SNX7: variants seen among roughly 807,000 people sequenced by gnomAD.
SNX7 encodes the protein sorting nexin-7.
A neutral mutation model predicts 48.4 loss-of-function variants in SNX7; 35 were observed. The ratio of observed to expected loss-of-function variants is 0.72; its 90% confidence interval spans 0.55 to 0.96. The LOEUF (loss-of-function observed/expected upper bound fraction) is 0.96. SNX7 is among the 40% of genes least tolerant of loss of function. The pLI is 0.00. For synonymous variants in SNX7, 190 were observed against 190.2 expected (o/e 1.00, Z 0.01); for missense variants, 553 against 548.9 (o/e 1.01, Z -0.07).
intron 7 of SNX7, among the ~76,000 whole-genome samples, chr1:98,736,542 C>T (rs1653789516): frequency 6.6e-6 from 1 of 152,020 alleles, no homozygotes; most frequent in Non-Finnish European, 1.5e-5. Context: ...AGCAAAATAC[C>T]CAGAAGACTA....
intron 7 of SNX7, among the ~76,000 whole-genome samples, chr1:98,709,700 G>A (rs1013701266): frequency 6.6e-6 from 1 of 152,032 alleles, no homozygotes; most frequent in African/African-American, 2.4e-5. Flanking sequence ...CACATCTTGG[G>A]TTTTATATCT....
intron 7 of SNX7, among the ~76,000 whole-genome samples, chr1:98,717,725 T>C (rs967800514): frequency 2.6e-5 from 4 of 152,070 alleles, no homozygotes; most frequent in African/African-American, 9.7e-5. Context: ...ACAAAGAGGG[T>C]ATGAAATGAG....
chr1:98,742,903 T>C (rs1176020178), intron 8 of SNX7, among the ~76,000 whole-genome samples: 1 of 152,074 alleles, frequency 6.6e-6, no homozygotes, highest in Non-Finnish European at 1.5e-5. Flanking sequence ...ATATTTTTCA[T>C]TTATTTTACA....
intron 3 of SNX7, 47 bp downstream of exon 3, chr1:98,691,232 TAGTG>T (rs1409010868): frequency 8.3e-7 from 1 of 1,206,510 alleles, no homozygotes; most frequent in Non-Finnish European, 1.2e-6. Flanking sequence ...ACCAGTTTTC[TAGTG>T]AGTCTTTTTG....
intron 1 of SNX7, among the ~76,000 whole-genome samples, chr1:98,678,972 G>A (rs1055210781): frequency 7.2e-5 from 11 of 152,146 alleles, no homozygotes; most frequent in African/African-American, 2.7e-4. Flanking sequence ...CAAAAACTGG[G>A]CTGGCACAGT....
At chr1:98,738,432 G>C in intron 8 of SNX7, 43 bp downstream of exon 8, 1 of 1,573,200 alleles carries the variant, frequency 6.4e-7, no homozygotes. Context: ...AAAGTTATAT[G>C]CTCATTTACT....
intron 7 of SNX7, among the ~76,000 whole-genome samples, chr1:98,713,917 T>C (rs541589198): frequency 1.3e-5 from 2 of 152,188 alleles, no homozygotes; most frequent in African/African-American, 2.4e-5. Context: ...GTTTGAAGTG[T>C]TGTAAGAATT....
In SNX7 at chr1:98,661,786, G is replaced by A. The variant is rs374538327; in HGVS notation, c.55G>A (p.Gly19Ser). Residue 19 changes from glycine to serine, a missense_variant, in exon 1 of 9, where the codon GGC becomes AGC. By Grantham distance (56) the Gly-to-Ser change is moderately conservative (BLOSUM62 0). Coordinates refer to ENST00000306121, the MANE Select transcript of SNX7 (RefSeq NM_015976.5). ...GCCCTCCTCGGGCCTCCCGGCCGGGGGCGCCAACGGGGAGAGCCCGGGGGG... is the reference window on the plus strand; with the variant it reads ...GCCCTCCTCGGGCCTCCCGGCCGGGAGCGCCAACGGGGAGAGCCCGGGGGG... ...QAPSSGLPAGGANGESPGGGA... is the reference protein window; with the variant it reads ...QAPSSGLPAGSANGESPGGGA... The A allele has an allele frequency of 6.4e-5, 79 of 1,243,718 alleles. No individual in the cohort carries two copies. Among genetic ancestry groups the A allele is most frequent in the Middle Eastern group, 3.1e-4 (1 of 3,210 alleles). 77.0% of individuals were successfully genotyped at this position (1,243,718 alleles called of 1,614,324 possible).
intron 1 of SNX7, among the ~76,000 whole-genome samples, chr1:98,664,951 G>T (rs569130958): frequency 1.2e-4 from 18 of 152,140 alleles, no homozygotes; most frequent in African/African-American, 4.1e-4. Flanking sequence ...ATGAGATGAG[G>T]CTTCCAAAAA....
chr1:98,716,322 C>T (rs1439130727), intron 7 of SNX7, among the ~76,000 whole-genome samples: 4 of 152,120 alleles, frequency 2.6e-5, no homozygotes, highest in Non-Finnish European at 5.9e-5. Context: ...CTACTCTAGG[C>T]CACTGTTTGC....
chr1:98,704,693 TGC>T (rs1651927303), intron 7 of SNX7, among the ~76,000 whole-genome samples: 1 of 152,170 alleles, frequency 6.6e-6, no homozygotes, highest in Non-Finnish European at 1.5e-5. Flanking sequence ...TATAGCTGTC[TGC>T]CTGGTTGTTT....
At chr1:98,689,357 T>G (rs1358274224) in intron 2 of SNX7, among the ~76,000 whole-genome samples, 3 of 152,184 alleles carry the variant, frequency 2.0e-5, no homozygotes, top group Non-Finnish European at 4.4e-5. Flanking sequence ...AAGAATGAAA[T>G]CTTACAGTAG....
intron 7 of SNX7, among the ~76,000 whole-genome samples, chr1:98,734,013 T>C (rs779466699): frequency 6.6e-6 from 1 of 152,136 alleles, no homozygotes; most frequent in Admixed American, 6.6e-5. Flanking sequence ...CAGTCTCTAA[T>C]ATGCATTTGC....
chr1:98,661,910 A>AGGTGAG lies in SNX7; in HGVS notation c.180+2_180+7dup, dbSNP rs1382618067. ...GAGGACGACCTGGAGGTGTTCAGCA[A>AGGTGAG]GGTGAGGGCGGCGGCGGCGAGTCCC... On this transcript the variant is annotated inframe_insertion and splice_region_variant, in exon 1 of 9. Coordinates refer to ENST00000306121, the MANE Select transcript of SNX7 (RefSeq NM_015976.5). 1 of 1,246,606 alleles carries AGGTGAG rather than the reference A, an allele frequency of 8.0e-7. No homozygotes were observed. The highest frequency in any genetic ancestry group is 1.0e-6 in the Non-Finnish European group (1 of 987,186). The allele number at this position is 1,246,606 out of a possible 1,614,324, so 77.2% of individuals were successfully genotyped here.
intron 1 of SNX7, among the ~76,000 whole-genome samples, chr1:98,676,609 C>T (rs1361972907): frequency 6.6e-6 from 1 of 152,154 alleles, no homozygotes; most frequent in Non-Finnish European, 1.5e-5. Flanking sequence ...GTGGGAAGAG[C>T]CTTTAAAGCA....
intron 2 of SNX7, among the ~76,000 whole-genome samples, chr1:98,686,321 G>A (rs1650796019): frequency 6.6e-6 from 1 of 152,022 alleles, no homozygotes; most frequent in African/African-American, 2.4e-5. Flanking sequence ...CAACTAAGCT[G>A]TTTTTTTAAA....
chr1:98,671,855 A>G (rs2100912748), intron 1 of SNX7, among the ~76,000 whole-genome samples: 1 of 152,306 alleles, frequency 6.6e-6, no homozygotes. Flanking sequence ...TTTCTATTAG[A>G]AAAATGATTT....
intron 1 of SNX7, among the ~76,000 whole-genome samples, chr1:98,681,157 G>T (rs1394391577): frequency 6.6e-6 from 1 of 152,196 alleles, no homozygotes; most frequent in Non-Finnish European, 1.5e-5. Flanking sequence ...CAGGCCGAAA[G>T]AACTTGTGAA....
chr1:98,741,717 A>T (rs1053972179), intron 8 of SNX7, among the ~76,000 whole-genome samples: 1 of 152,162 alleles, frequency 6.6e-6, no homozygotes, highest in African/African-American at 2.4e-5. Context: ...ACAGTAAAAC[A>T]TCCATGCCCT....
Sources: gnomAD v4.1 joint callset for allele counts (sites outside exome capture counted in the v4.1 genomes callset) on GRCh38, gnomAD v4.1.1 for gene constraint, MANE v1.5 for transcripts, NCBI Gene and HGNC (gene_info 2026-07-23, HGNC 2026-07-21) for gene names.